Variants in CDH13 observed in about 807,000 individuals in gnomAD.
CDH13 encodes cadherin 13.
A neutral mutation model predicts 63.8 loss-of-function variants in CDH13; 24 were observed. The ratio of observed to expected loss-of-function variants is 0.38; its 90% CI spans 0.27 to 0.53. The LOEUF is 0.53. Among genes scored for constraint, CDH13 ranks in the 20% least tolerant of loss-of-function variants. CDH13 has a pLI of 0.85. For missense variants in CDH13, 1,049 were observed against 903.1 expected, an observed-to-expected ratio of 1.16 and a Z score of -2.07; for synonymous variants, 503 against 355.3, an observed-to-expected ratio of 1.42 and a Z score of -4.67.
At chr16:83,110,672 A>G (rs1029187742) in intron 3 of CDH13, among the ~76,000 whole-genome samples, 2 of 152,124 alleles carry the variant, frequency 1.3e-5, no homozygotes, top group Admixed American at 1.3e-4. Flanking sequence ...GTATGGTAAT[A>G]CAGATAGATA....
Position 83,264,669 on chromosome 16 carries a change from C to A in CDH13, c.636+47172C>A, listed in dbSNP as rs536081366. Reference sequence around the variant, plus strand: ...ATATGTAATTAATATCAAATCATATCTATGGCTTGCAGCTTACCCCTCTGC... The same window carrying A: ...ATATGTAATTAATATCAAATCATATATATGGCTTGCAGCTTACCCCTCTGC... On this transcript the variant is annotated intron_variant, in intron 5 of 13. Transcript: ENST00000567109. Among the ~76,000 whole-genome samples, 10 of 151,362 alleles carry A rather than the reference C, an allele frequency of 6.6e-5. 1 individual carries two copies. The highest frequency in any genetic ancestry group is 3.4e-3 in the Middle Eastern group (1 of 292).
At chr16:83,571,476 C>G (rs780511513) in intron 7 of CDH13, among the ~76,000 whole-genome samples, 10 of 152,084 alleles carry the variant, frequency 6.6e-5, no homozygotes, top group Non-Finnish European at 1.5e-4. Context: ...TTGAATTAGG[C>G]TAACAGAATC....
At chr16:83,608,215 C>G (rs1277337729) in intron 8 of CDH13, among the ~76,000 whole-genome samples, 1 of 152,158 alleles carries the variant, frequency 6.6e-6, no homozygotes, top group Non-Finnish European at 1.5e-5. Flanking sequence ...ATAACATTAT[C>G]ATACCTATAA....
chr16:82,852,916 T>G (rs2039551322), intron 1 of CDH13, among the ~76,000 whole-genome samples: 1 of 152,080 alleles, frequency 6.6e-6, no homozygotes, highest in Non-Finnish European at 1.5e-5. Context: ...AAATCCTTTC[T>G]CTGGAAGCAA....
intron 2 of CDH13, among the ~76,000 whole-genome samples, chr16:83,025,971 C>G (rs752564905): frequency 1.3e-5 from 2 of 152,136 alleles, no homozygotes; most frequent in Non-Finnish European, 2.9e-5. Context: ...TATTGCTATT[C>G]TTTTTAATGC....
intron 11 of CDH13, among the ~76,000 whole-genome samples, chr16:83,753,641 A>G (rs1913273429): frequency 6.6e-6 from 1 of 152,176 alleles, no homozygotes; most frequent in Non-Finnish European, 1.5e-5. Context: ...TATTTGATGG[A>G]AGGAGAGAAT....
chr16:83,783,925 T>C (rs1348569290), intron 13 of CDH13, among the ~76,000 whole-genome samples: 5 of 152,182 alleles, frequency 3.3e-5, no homozygotes, highest in Admixed American at 6.5e-5. Context: ...GCAGGGAAAA[T>C]GATAAATGCA....
At chr16:83,038,118 G>C (rs573117468) in intron 3 of CDH13, among the ~76,000 whole-genome samples, 1 of 152,298 alleles carries the variant, frequency 6.6e-6, no homozygotes, top group Non-Finnish European at 1.5e-5. Flanking sequence ...TTTCACACTT[G>C]CTCATTTCAT....
intron 3 of CDH13, among the ~76,000 whole-genome samples, chr16:83,040,251 A>G (rs980714872): frequency 6.6e-6 from 1 of 152,060 alleles, no homozygotes; most frequent in Non-Finnish European, 1.5e-5. Context: ...TGTATTAGTC[A>G]AGGTTCTTTA....
At chr16:83,354,450 G>C (rs561576911) in intron 6 of CDH13, among the ~76,000 whole-genome samples, 1 of 152,350 alleles carries the variant, frequency 6.6e-6, no homozygotes, top group Non-Finnish European at 1.5e-5. Context: ...GGATATAGCA[G>C]TGACCAAGAC....
chr16:82,710,864 TCAAA>T (rs2031885838), intron 1 of CDH13, among the ~76,000 whole-genome samples: 1 of 151,126 alleles, frequency 6.6e-6, no homozygotes, highest in Non-Finnish European at 1.5e-5. Flanking sequence ...CATTTCAGAA[TCAAA>T]CAGCCCATTA....
At chr16:83,248,905 G>T (rs537571931) in intron 5 of CDH13, among the ~76,000 whole-genome samples, 1 of 152,130 alleles carries the variant, frequency 6.6e-6, no homozygotes, top group African/African-American at 2.4e-5. Context: ...CTTCCCCTTG[G>T]TGCATATCCA....
At chr16:83,294,660 A>C (rs935187394) in intron 5 of CDH13, among the ~76,000 whole-genome samples, 4 of 151,836 alleles carry the variant, frequency 2.6e-5, no homozygotes, top group Admixed American at 2.0e-4. Context: ...GACATTTAGG[A>C]ACAAATTGAA....
At chr16:83,684,156 C>T (rs1279386547) in intron 10 of CDH13, among the ~76,000 whole-genome samples, 1 of 152,112 alleles carries the variant, frequency 6.6e-6, no homozygotes, top group Non-Finnish European at 1.5e-5. Flanking sequence ...CACTTGAGAT[C>T]AGGAGTTCGA....
intron 9 of CDH13, 125 bp downstream of exon 9, chr16:83,671,097 T>C (rs1914461457): frequency 1.2e-6 from 1 of 823,444 alleles, no homozygotes; most frequent in Non-Finnish European, 1.9e-6. Context: ...CTTCTGGGAA[T>C]TAACAAAGGA....
At chr16:83,226,858 A>T (rs540236254) in intron 5 of CDH13, among the ~76,000 whole-genome samples, 6,439 of 152,204 alleles carry the variant, frequency 0.042, 150 homozygotes, top group African/African-American at 0.067. Context: ...ACGGTGGGGG[A>T]CCATCCATTC....
At chr16:82,713,308 C>G (rs1479634238) in intron 1 of CDH13, among the ~76,000 whole-genome samples, 2 of 152,140 alleles carry the variant, frequency 1.3e-5, no homozygotes, top group Non-Finnish European at 1.5e-5. Context: ...TCTATACACA[C>G]TGGTATCTAA....
At chr16:82,888,988 C>A (rs2040984793) in intron 2 of CDH13, among the ~76,000 whole-genome samples, 5 of 152,102 alleles carry the variant, frequency 3.3e-5, no homozygotes. Flanking sequence ...ATTTCCTGAA[C>A]TAACAGTTTG....
chr16:83,404,691 C>G (rs966549871), intron 6 of CDH13, among the ~76,000 whole-genome samples: 1 of 152,190 alleles, frequency 6.6e-6, no homozygotes, highest in South Asian at 2.1e-4. Flanking sequence ...AAATCTTCCT[C>G]GGTACCCTTC....
Sources: gnomAD v4.1 joint callset for allele counts (sites outside exome capture counted in the v4.1 genomes callset) on GRCh38, gnomAD v4.1.1 for gene constraint, MANE v1.5 for transcripts, NCBI Gene and HGNC (gene_info 2026-07-23, HGNC 2026-07-21) for gene names.